CSMD1: variants seen among roughly 807,000 people sequenced by gnomAD.
CSMD1 encodes CUB and Sushi multiple domains 1, also known as CUB and sushi domain-containing protein 1.
A neutral mutation model predicts 417.5 loss-of-function variants in CSMD1; 213 were observed. That is an observed-to-expected ratio of 0.51 (90% CI 0.46 to 0.57). CSMD1 has a LOEUF of 0.57. Ranked by LOEUF, CSMD1 falls within the 20% of genes least tolerant of loss-of-function variation. The pLI is 0.00. For synonymous variants in CSMD1, 2,862 were observed against 1,736.8 expected (o/e 1.65, Z -16.11); for missense variants, 6,923 against 4,529.7 (o/e 1.53, Z -15.17).
At chr8:4,072,339 A>G (rs947463734) in intron 3 of CSMD1, among the ~76,000 whole-genome samples, 16 of 152,198 alleles carry the variant, frequency 1.1e-4, no homozygotes, top group African/African-American at 3.9e-4. Context: ...TACTTGACAC[A>G]AACGTACAAA....
chr8:3,345,061 G>C (rs1807900712), intron 22 of CSMD1, among the ~76,000 whole-genome samples: 1 of 152,176 alleles, frequency 6.6e-6, no homozygotes, highest in South Asian at 2.1e-4. Flanking sequence ...GAAGGCCTTG[G>C]GCTACCCCGT....
chr8:3,710,402 C>A (rs1208775090), intron 6 of CSMD1, among the ~76,000 whole-genome samples: 1 of 152,146 alleles, frequency 6.6e-6, no homozygotes, highest in Non-Finnish European at 1.5e-5. Context: ...CTGTGTAAGG[C>A]TGGAGACGAT....
At position 4,582,293 on chromosome 8, in the gene CSMD1, C is replaced by T. The variant is rs1030517512; in HGVS notation, c.302+55049G>A. Among the ~76,000 whole-genome samples the T allele has an allele frequency of 3.3e-5, 5 of 152,278 alleles. 1 individual carries two copies. Among genetic ancestry groups the T allele is most frequent in the African/African-American group, 7.2e-5 (3 of 41,574 alleles). ...ACATGATCTTCCGGCTAAGATAAAA[C>T]AGCTTGTTATCAGACCAAGTCTCCT... On this transcript the variant is annotated intron_variant, in intron 2 of 69. Coordinates refer to ENST00000635120, the MANE Select transcript of CSMD1 (RefSeq NM_033225.6).
In CSMD1 at chr8:2,962,532, C is replaced by G. The variant is rs768950845; in HGVS notation, c.9562G>C (p.Val3188Leu). 32 of 1,613,770 alleles carry G rather than the reference C, an allele frequency of 2.0e-5. No individual in the cohort carries two copies. Among genetic ancestry groups the G allele is most frequent in the South Asian group, 2.0e-4 (18 of 91,080 alleles). Residue 3188 changes from valine to leucine, a missense_variant, in exon 61 of 70, where the codon GTG becomes CTG. Physicochemically the swap from Val to Leu is conservative, Grantham distance 32. Coordinates refer to ENST00000635120, the MANE Select transcript of CSMD1 (RefSeq NM_033225.6). ...FFQCKSPFILVGSSRRVCQAD... is the reference protein window; with the variant it reads ...FFQCKSPFILLGSSRRVCQAD... ...TGGCAGACTCTTCTGGAGGATCCCACGAGTATAAATGGAGATTTGCACTGG... is the reference window on the plus strand; with the variant it reads ...TGGCAGACTCTTCTGGAGGATCCCAGGAGTATAAATGGAGATTTGCACTGG...
rs559246211 is a variant in CSMD1, at chr8:4,671,329, T to A, written c.86-33771A>T. ...CATGGCAATTCTTTATTCTTGTTTT[T>A]TAAACCTAATTGATGCTGTTTATCT... On this transcript the variant is annotated intron_variant, in intron 1 of 69. Transcript: ENST00000635120. Among the ~76,000 whole-genome samples the A allele has an allele frequency of 3.3e-5, 5 of 152,286 alleles. No homozygotes were observed. In the East Asian group the frequency reaches 9.7e-4, roughly 29 times the overall value.
intron 6 of CSMD1, among the ~76,000 whole-genome samples, chr8:3,727,390 G>T (rs946093826): frequency 1.6e-4 from 25 of 152,102 alleles, no homozygotes; most frequent in African/African-American, 5.6e-4. Context: ...CCCCGCCCAG[G>T]TACCAAGTGG....
intron 2 of CSMD1, among the ~76,000 whole-genome samples, chr8:4,586,569 A>AT (rs148540850): frequency 0.041 from 6,170 of 152,032 alleles, 412 homozygotes; most frequent in African/African-American, 0.14. Context: ...CCTTTTTAGC[A>AT]TTTTTTTTGA....
chr8:4,737,588 C>A (rs1003634202), intron 1 of CSMD1, among the ~76,000 whole-genome samples: 2 of 152,180 alleles, frequency 1.3e-5, no homozygotes, highest in African/African-American at 4.8e-5. Flanking sequence ...GACTCACCTT[C>A]TTCATCTCTA....
chr8:3,343,302 G>T lies in CSMD1; in HGVS notation c.3623C>A (p.Thr1208Asn). The change falls in exon 23 of 70, where the codon ACC becomes AAC. Residue 1208 changes from threonine to asparagine, a missense_variant. Physicochemically the swap from Thr to Asn is moderately conservative, Grantham distance 65. Transcript: ENST00000635120. Reference sequence around the variant, plus strand: ...AGTCGTATGTTACTTACTGGTATAGGTGAGTTGAAAACCTTGGTCGGTGTC... The same window carrying T: ...AGTCGTATGTTACTTACTGGTATAGTTGAGTTGAAAACCTTGGTCGGTGTC... ...GSDTDQGFQL[T>N]YTSFDLVKCE... The T allele has an allele frequency of 1.2e-6, 2 of 1,613,234 alleles. No homozygotes were observed. Among genetic ancestry groups the T allele is most frequent in the Non-Finnish European group, 1.7e-6 (2 of 1,179,274 alleles).
intron 49 of CSMD1, among the ~76,000 whole-genome samples, chr8:3,064,031 C>T: frequency 6.6e-6 from 1 of 152,162 alleles, no homozygotes; most frequent in Non-Finnish European, 1.5e-5. Context: ...TTAAGTCTTG[C>T]TGCACAATAG....
chr8:3,206,303 T>C (rs1797254502), intron 30 of CSMD1, among the ~76,000 whole-genome samples: 1 of 131,168 alleles, frequency 7.6e-6, no homozygotes, highest in Non-Finnish European at 1.6e-5. Context: ...GTGTGGGGTG[T>C]GTGTGTATCT....
chr8:4,334,295 T>C (rs1039649833), intron 3 of CSMD1, among the ~76,000 whole-genome samples: 2 of 152,138 alleles, frequency 1.3e-5, no homozygotes, highest in Non-Finnish European at 2.9e-5. Flanking sequence ...TCAAACACTA[T>C]TCCAGGTATT....
At chr8:4,047,544 CCACA>C in intron 3 of CSMD1, among the ~76,000 whole-genome samples, 1 of 149,098 alleles carries the variant, frequency 6.7e-6, no homozygotes, top group East Asian at 1.9e-4. Context: ...TTCATTCATT[CCACA>C]AATATTTATA....
Position 4,855,347 on chromosome 8 carries a change from AG to A in CSMD1, c.85+138984del, listed in dbSNP as rs544862372. Among the ~76,000 whole-genome samples the A allele has an allele frequency of 5.7e-4, 87 of 152,322 alleles. 1 individual carries two copies. In the East Asian group the frequency reaches 0.013, roughly 22 times the overall value. ...AACAGAAAAACTGGAAACTCCAAAA[AG>A]CAGAGCGCCTCTCCTCCTCCAAAGG... On this transcript the variant is annotated intron_variant, in intron 1 of 69. Coordinates refer to ENST00000635120, the MANE Select transcript of CSMD1 (RefSeq NM_033225.6).
At chr8:4,302,078 A>C (rs1395302985) in intron 3 of CSMD1, among the ~76,000 whole-genome samples, 1 of 152,228 alleles carries the variant, frequency 6.6e-6, no homozygotes, top group African/African-American at 2.4e-5. Context: ...AAACTTTATG[A>C]AGACCCCTTG....
intron 3 of CSMD1, among the ~76,000 whole-genome samples, chr8:4,096,065 G>A (rs887451494): frequency 2.7e-5 from 4 of 149,932 alleles, no homozygotes; most frequent in Admixed American, 6.6e-5. Flanking sequence ...TGTAACTACA[G>A]TGTTGTTTTA....
intron 3 of CSMD1, among the ~76,000 whole-genome samples, chr8:4,396,447 G>T (rs1417013692): frequency 6.6e-6 from 1 of 152,126 alleles, no homozygotes; most frequent in African/African-American, 2.4e-5. Flanking sequence ...AGCCTGGTGG[G>T]CTACAGAGTG....
chr8:4,906,860 G>C (rs1378302681), intron 1 of CSMD1, among the ~76,000 whole-genome samples: 4 of 152,068 alleles, frequency 2.6e-5, no homozygotes, highest in African/African-American at 4.8e-5. Flanking sequence ...CCCCGGCCTT[G>C]AGTTTCTTTT....
chr8:4,246,969 A>G (rs1315849499), intron 3 of CSMD1, among the ~76,000 whole-genome samples: 1 of 152,220 alleles, frequency 6.6e-6, no homozygotes. Flanking sequence ...AACACTTTAG[A>G]CGAAGTAGAA....
Sources: allele counts gnomAD v4.1 joint callset (sites outside exome capture counted in the v4.1 genomes callset), GRCh38; gene constraint gnomAD v4.1.1; transcripts MANE v1.5; gene names NCBI Gene and HGNC (gene_info 2026-07-23, HGNC 2026-07-21).